Variants in ZNF765 observed in about 807,000 individuals in gnomAD.
The protein encoded by ZNF765 is zinc finger protein 765.
Under a neutral mutation model 44.7 loss-of-function variants are expected in ZNF765, and 37 were observed. The observed-to-expected ratio is 0.83, with a 90% CI of 0.64 to 1.09. The LOEUF (loss-of-function observed/expected upper bound fraction) is 1.09, where lower values mean the gene tolerates loss of function less well. Ranked by LOEUF, ZNF765 falls within the 50% of genes least tolerant of loss-of-function variation. The probability of loss-of-function intolerance (pLI) is 0.00; values close to 1 mark genes in which losing one functional copy is unlikely to be tolerated. For missense variants in ZNF765, 594 were observed against 626.1 expected (o/e 0.95, Z 0.55); for synonymous variants, 201 against 213.7 (o/e 0.94, Z 0.52).
intron 3 of ZNF765, among the ~76,000 whole-genome samples, chr19:53,420,531 TGTG>T (rs2085900818): frequency 1.3e-5 from 2 of 152,122 alleles, no homozygotes; most frequent in Non-Finnish European, 2.9e-5. Flanking sequence ...AACTGAAAAT[TGTG>T]GGGAAAAGAA....
At chr19:53,405,978 A>G (rs2085771811) in intron 3 of ZNF765, among the ~76,000 whole-genome samples, 1 of 118,226 alleles carries the variant, frequency 8.5e-6, no homozygotes, top group Non-Finnish European at 1.7e-5. Flanking sequence ...TGGCTGTTTC[A>G]TAAATGTAGT....
intron 3 of ZNF765, among the ~76,000 whole-genome samples, chr19:53,417,528 G>A (rs2085882537): frequency 6.6e-6 from 1 of 152,132 alleles, no homozygotes; most frequent in South Asian, 2.1e-4. Flanking sequence ...CCAGTCCATG[G>A]GTGATGGGCA....
chr19:53,415,961 T>TTTGTTGG (rs2085872598), downstream of ZNF765, among the ~76,000 whole-genome samples: 1 of 151,852 alleles, frequency 6.6e-6, no homozygotes, highest in African/African-American at 2.4e-5. Context: ...TTGTTTTTTG[T>TTTGTTGG]TTTTTGTTTT....
Position 53,407,816 on chromosome 19 carries a change from C to A in ZNF765, c.261C>A (p.Phe87Leu). The change falls in exon 4 of 4, where the codon TTC becomes TTA. Residue 87 changes from phenylalanine to leucine, a missense_variant. Around this residue, in one of 2 missense-constraint regions of ZNF765, gnomAD observed 567 missense variants for 572.6 expected, o/e 0.99. Transcript: ENST00000396408. ...HESHHNGDFC[F>L]QDIDKDIHDI... ...GTCATCACAATGGAGATTTTTGTTT[C>A]CAGGATATTGATAAAGATATTCATG... is the stretch of plus-strand genomic sequence containing the variant. 1 of 1,612,850 alleles carries A rather than the reference C, an allele frequency of 6.2e-7. No homozygotes were observed.
At chr19:53,418,677 C>T (rs909656545) in intron 3 of ZNF765, among the ~76,000 whole-genome samples, 5 of 151,500 alleles carry the variant, frequency 3.3e-5, no homozygotes, top group Non-Finnish European at 7.4e-5. Context: ...GTGGGGGGGG[C>T]GGTGGATCAC....
chr19:53,408,207 A>G lies in ZNF765; in HGVS notation c.652A>G (p.Asn218Asp), dbSNP rs1441741419. The G allele has an allele frequency of 6.2e-7, 1 of 1,614,238 alleles. No individual in the cohort carries two copies. The highest frequency in any genetic ancestry group is 1.1e-5 in the South Asian group (1 of 91,080). Residue 218 changes from asparagine to aspartate, a missense_variant, in exon 4 of 4, where the codon AAT becomes GAT. Physicochemically the swap from Asn to Asp is conservative, Grantham distance 23. Coordinates refer to ENST00000396408, the MANE Select transcript of ZNF765 (RefSeq NM_001040185.3). ...VHMREKSFQC[N>D]DSGKAYNCSS... ...TATGAGGGAAAAATCTTTCCAATGC[A>G]ATGACAGTGGCAAAGCCTATAATTG...
downstream of ZNF765, chr19:53,413,181 C>T (rs1324387303): frequency 1.7e-6 from 1 of 576,596 alleles, no homozygotes; most frequent in East Asian, 4.5e-5. Context: ...CTTGACTCTG[C>T]CTCTCACCAG....
chr19:53,395,349 TC>T (rs1432559587), intron 1 of ZNF765, among the ~76,000 whole-genome samples, 156 bp downstream of exon 1: 1 of 152,158 alleles, frequency 6.6e-6, no homozygotes, highest in East Asian at 1.9e-4. Flanking sequence ...GGGGGTCGCT[TC>T]CTTTTGGGTT....
chr19:53,426,111 C>G (rs1399304042), exon 4 of ZNF765: 1 of 152,864 alleles, frequency 6.5e-6, no homozygotes, highest in African/African-American at 2.4e-5. Flanking sequence ...CCCAGGGACC[C>G]ACCAGTGGGG....
chr19:53,403,426 T>C (rs541367185), intron 3 of ZNF765, among the ~76,000 whole-genome samples: 20 of 152,374 alleles, frequency 1.3e-4, no homozygotes, highest in East Asian at 1.9e-4. Context: ...TGTGTAGACA[T>C]GCTTTGACTC....
In ZNF765 at chr19:53,408,795, A is replaced by G. The variant is rs1241554928; in HGVS notation, c.1240A>G (p.Asn414Asp). Residue 414 changes from asparagine to aspartate, a missense_variant, in exon 4 of 4, where the codon AAT (asparagine) becomes GAT (aspartate). By Grantham distance (23) the Asn-to-Asp change is conservative. Transcript: ENST00000396408. ...LHTEEKPYKC[N>D]ECGKTFNQQL... ...TACTGAAGAGAAACCTTACAAGTGT[A>G]ATGAGTGTGGCAAGACCTTCAATCA... 2.5e-6 allele frequency: 4 copies of G among 1,614,148 alleles called. No individual in the cohort carries two copies. The South Asian group carries it at 3.3e-5, about 13-fold the overall frequency.
At chr19:53,396,149 A>G (rs2085666917) in intron 1 of ZNF765, among the ~76,000 whole-genome samples, 1 of 152,152 alleles carries the variant, frequency 6.6e-6, no homozygotes, top group Non-Finnish European at 1.5e-5. Context: ...ATTTGGAGCC[A>G]GGGCAGACAG....
At chr19:53,425,356 TG>T (rs76121778) in exon 4 of ZNF765, 15,439 of 151,984 alleles carry the variant, frequency 0.1, 910 homozygotes, top group Middle Eastern at 0.23. Flanking sequence ...TCGGCCAGGC[TG>T]GAATGCAATG....
chr19:53,412,210 A>G (rs547183855), downstream of ZNF765, among the ~76,000 whole-genome samples: 3 of 152,198 alleles, frequency 2.0e-5, no homozygotes, highest in African/African-American at 7.2e-5. Flanking sequence ...CTTTCTATCT[A>G]TTTTGTTTAG....
At chr19:53,398,126 C>G (rs1352640940) in intron 2 of ZNF765, 96 bp downstream of exon 2, 2 of 1,604,676 alleles carry the variant, frequency 1.2e-6, no homozygotes, top group African/African-American at 2.7e-5. Context: ...AGCATCTTGC[C>G]TGACAGGTTT....
chr19:53,417,769 T>C (rs1168005624), intron 3 of ZNF765, among the ~76,000 whole-genome samples: 1 of 152,252 alleles, frequency 6.6e-6, no homozygotes, highest in Non-Finnish European at 1.5e-5. Context: ...CTTCCTTTCA[T>C]GTCTTTCAAA....
At chr19:53,417,747 T>G (rs950467079) in intron 3 of ZNF765, among the ~76,000 whole-genome samples, 2 of 152,246 alleles carry the variant, frequency 1.3e-5, no homozygotes, top group African/African-American at 2.4e-5. Flanking sequence ...CGGCTTCATG[T>G]TCTTCCTTTT....
chr19:53,397,041 A>C (rs1772600102), intron 1 of ZNF765, among the ~76,000 whole-genome samples: 1 of 152,258 alleles, frequency 6.6e-6, no homozygotes, highest in South Asian at 2.1e-4. Flanking sequence ...ACTCCTGTTA[A>C]GGTTTTGAAT....
Sources: gnomAD v4.1 joint callset for allele counts (sites outside exome capture counted in the v4.1 genomes callset) on GRCh38, gnomAD v4.1.1 for gene constraint, gnomAD v4.1.1 regional missense constraint, MANE v1.5 for transcripts, NCBI Gene and HGNC (gene_info 2026-07-23, HGNC 2026-07-21) for gene names.